The following GRM8 variants were observed in gnomAD, a reference collection of about 807,000 sequenced individuals.
The protein encoded by GRM8 is metabotropic glutamate receptor 8.
Under a neutral mutation model 87.2 loss-of-function variants are expected in GRM8, and 47 were observed. The observed-to-expected ratio is 0.54, with a 90% confidence interval of 0.43 to 0.69. GRM8 has a LOEUF of 0.69. Among genes scored for constraint, GRM8 ranks in the 30% least tolerant of loss-of-function variants. The pLI is 0.00. For synonymous variants in GRM8, 396 were observed against 404.5 expected (o/e 0.98, Z 0.25); for missense variants, 1,019 against 1,139.2 (o/e 0.89, Z 1.52).
At chr7:127,046,675 C>T (rs1041561527) in intron 3 of GRM8, among the ~76,000 whole-genome samples, 2 of 152,108 alleles carry the variant, frequency 1.3e-5, no homozygotes, top group African/African-American at 2.4e-5. Flanking sequence ...TTATATCTAA[C>T]GGCCTTGAAA....
chr7:126,785,598 C>T (rs977007947), intron 6 of GRM8, among the ~76,000 whole-genome samples: 1 of 151,928 alleles, frequency 6.6e-6, no homozygotes, highest in Admixed American at 6.6e-5. Context: ...CTTAAAAGAC[C>T]CGGGTCTTTT....
intron 7 of GRM8, among the ~76,000 whole-genome samples, chr7:126,763,977 AT>A (rs1817912915): frequency 2.0e-5 from 3 of 152,042 alleles, no homozygotes; most frequent in Admixed American, 2.0e-4. Context: ...AATATTTTAA[AT>A]AATTTTTGCC....
At chr7:126,850,920 A>G (rs1208537914) in intron 6 of GRM8, among the ~76,000 whole-genome samples, 1 of 152,130 alleles carries the variant, frequency 6.6e-6, no homozygotes, top group Non-Finnish European at 1.5e-5. Flanking sequence ...GTCTAATCTC[A>G]TCTAATCCCA....
At chr7:126,999,167 TG>T (rs760237045) in intron 3 of GRM8, among the ~76,000 whole-genome samples, 1 of 151,942 alleles carries the variant, frequency 6.6e-6, no homozygotes, top group Non-Finnish European at 1.5e-5. Context: ...TAAATGATGC[TG>T]GGAAAAGTGG....
intron 9 of GRM8, among the ~76,000 whole-genome samples, chr7:126,469,803 A>C (rs1783350396): frequency 6.6e-6 from 1 of 152,170 alleles, no homozygotes; most frequent in South Asian, 2.1e-4. Context: ...GGACTAATAC[A>C]GTAAATTGGT....
At chr7:126,474,926 T>A (rs528870633) in intron 9 of GRM8, among the ~76,000 whole-genome samples, 14 of 152,248 alleles carry the variant, frequency 9.2e-5, no homozygotes, top group African/African-American at 3.4e-4. Flanking sequence ...TTTGACAAAA[T>A]TCAACATCCT....
rs115615125 is a variant in GRM8 at position 126,944,290 on chromosome 7, T to C, written c.728-39607A>G. ...CAGAAGCCATGAATAAATACAGAAG[T>C]AAAAGTCAGGAATATGAGGTGGACC... On this transcript the variant is annotated intron_variant, in intron 3 of 10. Transcript: ENST00000339582. Among the ~76,000 whole-genome samples the C allele has an allele frequency of 6.4e-3, 941 of 147,644 alleles. 9 individuals carry two copies. Among genetic ancestry groups the C allele is most frequent in the African/African-American group, 0.023 (906 of 40,240 alleles).
intron 2 of GRM8, among the ~76,000 whole-genome samples, chr7:127,182,244 A>T (rs1281156786): frequency 6.6e-6 from 1 of 152,186 alleles, no homozygotes; most frequent in African/African-American, 2.4e-5. Flanking sequence ...ACATTAAAAA[A>T]TGCTCAACAT....
intron 3 of GRM8, among the ~76,000 whole-genome samples, chr7:127,046,683 A>G (rs1818960136): frequency 6.6e-6 from 1 of 152,226 alleles, no homozygotes; most frequent in Non-Finnish European, 1.5e-5. Context: ...AACGGCCTTG[A>G]AAATTTATGA....
At chr7:126,768,582 T>C (rs1818463941) in intron 7 of GRM8, among the ~76,000 whole-genome samples, 2 of 152,140 alleles carry the variant, frequency 1.3e-5, no homozygotes, top group South Asian at 4.2e-4. Flanking sequence ...GCCTTTAAAA[T>C]GCTTTCTTTA....
chr7:126,999,192 A>G (rs13224204), intron 3 of GRM8, among the ~76,000 whole-genome samples: 48,752 of 151,744 alleles, frequency 0.32, 8,198 homozygotes, highest in African/African-American at 0.4. Context: ...TCCATATGCA[A>G]AAGAATGAAA....
chr7:126,488,167 C>T (rs1360258315), intron 9 of GRM8, among the ~76,000 whole-genome samples: 1 of 150,982 alleles, frequency 6.6e-6, no homozygotes, highest in Non-Finnish European at 1.5e-5. Context: ...TCAGCTGTAA[C>T]TGGACAGAAA....
chr7:127,195,587 G>A (rs1023930546), intron 2 of GRM8, among the ~76,000 whole-genome samples: 6 of 151,980 alleles, frequency 3.9e-5, no homozygotes, highest in East Asian at 1.9e-4. Context: ...TATCCCCTCC[G>A]GACCTATGCA....
intron 2 of GRM8, among the ~76,000 whole-genome samples, chr7:127,125,775 C>A (rs559583184): frequency 6.6e-6 from 1 of 150,866 alleles, no homozygotes; most frequent in South Asian, 2.1e-4. Context: ...AACACACACA[C>A]ACACACACAC....
intron 7 of GRM8, among the ~76,000 whole-genome samples, chr7:126,727,901 T>C (rs1363637360): frequency 1.3e-5 from 2 of 152,178 alleles, no homozygotes; most frequent in East Asian, 3.8e-4. Context: ...AGTAGTTTTT[T>C]ACTAGTATTA....
chr7:126,998,023 C>A (rs1160510294), intron 3 of GRM8, among the ~76,000 whole-genome samples: 1 of 151,826 alleles, frequency 6.6e-6, no homozygotes, highest in Non-Finnish European at 1.5e-5. Context: ...ATAGAAAAAT[C>A]CTCACAAAAT....
chr7:126,633,432 C>T (rs74695194), intron 7 of GRM8, among the ~76,000 whole-genome samples: 3,657 of 152,198 alleles, frequency 0.024, 136 homozygotes, highest in African/African-American at 0.084. Flanking sequence ...TTGATGAGCG[C>T]TAGCATCAAT....
At chr7:126,730,157 G>C (rs907263769) in intron 7 of GRM8, among the ~76,000 whole-genome samples, 1 of 152,096 alleles carries the variant, frequency 6.6e-6, no homozygotes, top group African/African-American at 2.4e-5. Flanking sequence ...TAAGACTCAT[G>C]GAACTAGGAA....
intron 3 of GRM8, among the ~76,000 whole-genome samples, chr7:126,980,101 G>A (rs1394902649): frequency 4.6e-5 from 7 of 152,148 alleles, no homozygotes; most frequent in Non-Finnish European, 8.8e-5. Flanking sequence ...TTCTCAATTT[G>A]GGCAAACATT....
Sources: gnomAD v4.1 joint callset for allele counts (sites outside exome capture counted in the v4.1 genomes callset) on GRCh38, gnomAD v4.1.1 for gene constraint, MANE v1.5 for transcripts, NCBI Gene and HGNC (gene_info 2026-07-23, HGNC 2026-07-21) for gene names.